RABGAP1L: variants seen among roughly 807,000 people sequenced by gnomAD.
RABGAP1L encodes RAB GTPase activating protein 1 like, also known as rab GTPase-activating protein 1-like.
In RABGAP1L, 63 loss-of-function variants were observed where a neutral mutation model predicts 137.7. That is an observed-to-expected ratio of 0.46 (90% CI 0.37 to 0.56). The LOEUF (loss-of-function observed/expected upper bound fraction) is 0.56, where lower values mean the gene tolerates loss of function less well. Among genes scored for constraint, RABGAP1L ranks in the 20% least tolerant of loss-of-function variants. RABGAP1L has a pLI of 0.00. For missense variants in RABGAP1L, 1,095 were observed against 1,244.0 expected (o/e 0.88, Z 1.80); for synonymous variants, 431 against 433.7 (o/e 0.99, Z 0.08).
At chr1:174,220,775 C>T (rs1669697416) in intron 2 of RABGAP1L, 197 bp from the exon 3 acceptor site, 1 of 395,750 alleles carries the variant, frequency 2.5e-6, no homozygotes, top group Non-Finnish European at 4.3e-6. Context: ...TTTTGTGAAA[C>T]TAATAATCTT....
intron 18 of RABGAP1L, among the ~76,000 whole-genome samples, chr1:174,764,647 G>T (rs1278900256): frequency 2.6e-5 from 4 of 152,154 alleles, no homozygotes; most frequent in African/African-American, 9.7e-5. Flanking sequence ...GTCTCACTCT[G>T]TTGCCCAGGT....
At chr1:174,565,115 G>A (rs1174847893) in intron 13 of RABGAP1L, among the ~76,000 whole-genome samples, 1 of 152,140 alleles carries the variant, frequency 6.6e-6, no homozygotes, top group Non-Finnish European at 1.5e-5. Flanking sequence ...GGGATTCGTG[G>A]TTTAATAGAT....
At chr1:174,199,730 G>C (rs1236568540) in intron 1 of RABGAP1L, among the ~76,000 whole-genome samples, 3 of 152,146 alleles carry the variant, frequency 2.0e-5, no homozygotes, top group Non-Finnish European at 2.9e-5. Context: ...ATCTTAAATA[G>C]GGCAAATTTT....
intron 7 of RABGAP1L, among the ~76,000 whole-genome samples, chr1:174,260,085 A>G (rs1673461993): frequency 6.6e-6 from 1 of 152,054 alleles, no homozygotes; most frequent in Non-Finnish European, 1.5e-5. Flanking sequence ...TGCCCGCCTC[A>G]GCCTCCCAAA....
chr1:174,618,519 C>A (rs1316962645), intron 13 of RABGAP1L, among the ~76,000 whole-genome samples: 1 of 152,188 alleles, frequency 6.6e-6, no homozygotes, highest in East Asian at 1.9e-4. Flanking sequence ...ACTGCTGATA[C>A]CCAGGCAAAC....
At chr1:174,453,431 A>G (rs1160032577) in intron 13 of RABGAP1L, among the ~76,000 whole-genome samples, 1 of 152,236 alleles carries the variant, frequency 6.6e-6, no homozygotes, top group Non-Finnish European at 1.5e-5. Flanking sequence ...TCCCCACGCT[A>G]GAAGGTAATC....
chr1:174,672,546 C>G (rs1255203578), intron 14 of RABGAP1L, among the ~76,000 whole-genome samples: 1 of 151,718 alleles, frequency 6.6e-6, no homozygotes, highest in African/African-American at 2.4e-5. Context: ...CTTTGAGATC[C>G]AAGATTAGGT....
intron 18 of RABGAP1L, among the ~76,000 whole-genome samples, chr1:174,795,513 C>T (rs532941950): frequency 6.6e-6 from 1 of 152,282 alleles, no homozygotes; most frequent in East Asian, 1.9e-4. Context: ...TTTGTTTTAT[C>T]ACTTCTCTAC....
At chr1:174,912,599 T>G (rs1192504825) in intron 19 of RABGAP1L, among the ~76,000 whole-genome samples, 1 of 152,238 alleles carries the variant, frequency 6.6e-6, no homozygotes, top group Non-Finnish European at 1.5e-5. Context: ...TAAGTTTATT[T>G]CATATGGAAA....
chr1:174,459,008 TG>T (rs939415960), intron 13 of RABGAP1L, among the ~76,000 whole-genome samples: 67 of 152,258 alleles, frequency 4.4e-4, no homozygotes, highest in African/African-American at 1.5e-3. Flanking sequence ...CACCAATGTA[TG>T]ACATTATTAA....
intron 3 of RABGAP1L, among the ~76,000 whole-genome samples, chr1:174,230,363 G>A (rs1156973547): frequency 2.0e-5 from 3 of 151,952 alleles, no homozygotes; most frequent in Non-Finnish European, 4.4e-5. Flanking sequence ...AAACCTGCAC[G>A]TTGTGCACTT....
At chr1:174,173,118 C>T (rs1469541632) in intron 1 of RABGAP1L, among the ~76,000 whole-genome samples, 3 of 151,566 alleles carry the variant, frequency 2.0e-5, no homozygotes, top group Non-Finnish European at 4.4e-5. Flanking sequence ...TTTTTCCCCT[C>T]CAAGTTAAAA....
intron 13 of RABGAP1L, among the ~76,000 whole-genome samples, chr1:174,621,854 G>C (rs1280161628): frequency 2.6e-5 from 4 of 152,156 alleles, no homozygotes; most frequent in Non-Finnish European, 5.9e-5. Context: ...TTGACAAATG[G>C]GATCTAATTA....
At chr1:174,181,332 C>CTTTTTT (rs1201957112) in intron 1 of RABGAP1L, among the ~76,000 whole-genome samples, 5 of 142,820 alleles carry the variant, frequency 3.5e-5, no homozygotes, top group Admixed American at 7.3e-5. Context: ...AAGGGTCTTT[C>CTTTTTT]TTTTTTTCTT....
intron 13 of RABGAP1L, among the ~76,000 whole-genome samples, chr1:174,421,040 T>C (rs973469685): frequency 1.8e-4 from 27 of 152,124 alleles, no homozygotes; most frequent in Admixed American, 1.4e-3. Flanking sequence ...AAGGACAAGA[T>C]CCCATTGTGG....
intron 1 of RABGAP1L, among the ~76,000 whole-genome samples, chr1:174,195,034 A>G (rs539810212): frequency 6.6e-6 from 1 of 152,022 alleles, no homozygotes; most frequent in East Asian, 1.9e-4. Flanking sequence ...AACCTGGAAT[A>G]TATATATTTG....
chr1:174,425,031 A>G (rs1193799255), intron 13 of RABGAP1L, among the ~76,000 whole-genome samples: 1 of 152,048 alleles, frequency 6.6e-6, no homozygotes, highest in Non-Finnish European at 1.5e-5. Flanking sequence ...TTGGTATAGA[A>G]CATTATTATA....
intron 1 of RABGAP1L, among the ~76,000 whole-genome samples, chr1:174,199,892 G>T (rs1355005048): frequency 6.6e-6 from 1 of 152,150 alleles, no homozygotes; most frequent in East Asian, 1.9e-4. Context: ...GCTATTCTTA[G>T]AATTATTGGC....
chr1:174,474,784 G>T lies in RABGAP1L; in HGVS notation c.1710+80639G>T, dbSNP rs1290436240. Among the ~76,000 whole-genome samples the T allele has an allele frequency of 4.6e-5, 7 of 152,046 alleles. No homozygotes were observed. The East Asian group carries it at 1.4e-3, about 29-fold the overall frequency. On this transcript the variant is annotated intron_variant, in intron 13 of 25. Coordinates refer to ENST00000681986, the MANE Select transcript of RABGAP1L (RefSeq NM_001366446.1). ...CGCCCAGCTAATTTTTGTATTTTTA[G>T]TAGAGACAGGGTTTTACCATGTTGG...
Sources: gnomAD v4.1 joint callset for allele counts (sites outside exome capture counted in the v4.1 genomes callset) on GRCh38, gnomAD v4.1.1 for gene constraint, MANE v1.5 for transcripts, NCBI Gene and HGNC (gene_info 2026-07-23, HGNC 2026-07-21) for gene names.